The following RANGAP1 variants were observed in gnomAD, a reference collection of about 807,000 sequenced individuals.
RANGAP1 encodes the protein Ran GTPase activating protein 1.
In RANGAP1, 38 loss-of-function variants were observed where a neutral mutation model predicts 63.5. That is an observed-to-expected ratio of 0.60 (90% confidence interval 0.46 to 0.78). RANGAP1 has a LOEUF of 0.78. RANGAP1 is among the 30% of genes least tolerant of loss of function. The pLI, the probability that RANGAP1 is intolerant of heterozygous loss-of-function variation, is 0.00. For missense variants in RANGAP1, 630 were observed against 740.3 expected, an observed-to-expected ratio of 0.85 and a Z score of 1.73; for synonymous variants, 329 against 310.5, an observed-to-expected ratio of 1.06 and a Z score of -0.63.
chr22:41,256,961 C>T (rs572839231), intron 7 of RANGAP1, 137 bp from the exon 8 acceptor site: 14 of 653,268 alleles, frequency 2.1e-5, no homozygotes, highest in African/African-American at 1.5e-4. Context: ...CCAGCTTTGC[C>T]GTCTTCTACT....
At chr22:41,259,774 G>A (rs1037157698) in intron 6 of RANGAP1, among the ~76,000 whole-genome samples, 2 of 152,196 alleles carry the variant, frequency 1.3e-5, no homozygotes, top group African/African-American at 2.4e-5. Context: ...AGGCCAAGGC[G>A]AGTGGATTAC....
At chr22:41,277,837 A>G (rs1217819259) in intron 2 of RANGAP1, among the ~76,000 whole-genome samples, 1 of 152,154 alleles carries the variant, frequency 6.6e-6, no homozygotes, top group East Asian at 1.9e-4. Context: ...GAGCCTTTTC[A>G]CTTGTTTTCA....
intron 1 of RANGAP1, chr22:41,281,689 A>C: frequency 1.1e-6 from 1 of 948,412 alleles, no homozygotes; most frequent in South Asian, 4.9e-5. Context: ...AGATCGCCAC[A>C]TCACAACAGC....
intron 5 of RANGAP1, among the ~76,000 whole-genome samples, chr22:41,262,116 C>T (rs149074155): frequency 1.0e-3 from 154 of 152,308 alleles, no homozygotes; most frequent in African/African-American, 3.4e-3. Context: ...ACGGTCCAGA[C>T]GAACCTGTCT....
intron 4 of RANGAP1, 51 bp downstream of exon 4, chr22:41,268,046 T>A (rs1455523060): frequency 6.9e-7 from 1 of 1,454,452 alleles, no homozygotes; most frequent in African/African-American, 1.4e-5. Flanking sequence ...GCCCTGGGAA[T>A]TGCCAAAGAG....
chr22:41,272,810 G>A (rs945999076), intron 3 of RANGAP1, among the ~76,000 whole-genome samples: 4 of 151,748 alleles, frequency 2.6e-5, no homozygotes, highest in Admixed American at 6.6e-5. Flanking sequence ...CACCAGGCCC[G>A]GCTTTTTTTT....
chr22:41,276,752 C>T (rs930713728), intron 2 of RANGAP1, among the ~76,000 whole-genome samples: 6 of 151,440 alleles, frequency 4.0e-5, no homozygotes, highest in African/African-American at 1.5e-4. Flanking sequence ...CCAAGGCGGG[C>T]GGATCGTGAG....
chr22:41,256,642 C>G, intron 8 of RANGAP1, 69 bp downstream of exon 8: 1 of 1,390,008 alleles, frequency 7.2e-7, no homozygotes, highest in Non-Finnish European at 1.0e-6. Context: ...CAGACCAGAC[C>G]CCTGTGCCCC....
At chr22:41,289,693 C>G (rs2035816038), upstream of RANGAP1, among the ~76,000 whole-genome samples, 1 of 152,190 alleles carries the variant, frequency 6.6e-6, no homozygotes, top group Non-Finnish European at 1.5e-5. Context: ...AGCCCTTTCT[C>G]CAGCTTTCTC....
At chr22:41,279,171 A>T (rs989917850) in intron 2 of RANGAP1, among the ~76,000 whole-genome samples, 2 of 151,132 alleles carry the variant, frequency 1.3e-5, no homozygotes, top group African/African-American at 4.9e-5. Flanking sequence ...AAAAATACAA[A>T]CACAAAAATA....
chr22:41,259,596 G>A (rs2034044265), intron 6 of RANGAP1, among the ~76,000 whole-genome samples: 2 of 152,130 alleles, frequency 1.3e-5, no homozygotes, highest in African/African-American at 4.8e-5. Flanking sequence ...CACTATTACT[G>A]TAATTTTGAT....
At chr22:41,263,725 T>C (rs1417615843) in intron 5 of RANGAP1, among the ~76,000 whole-genome samples, 2 of 152,214 alleles carry the variant, frequency 1.3e-5, no homozygotes, top group African/African-American at 4.8e-5. Flanking sequence ...GATAGCTTAT[T>C]GCCCAAGTGG....
At chr22:41,282,325 A>AT (rs756698232) in intron 1 of RANGAP1, 1,833 of 148,140 alleles carry the variant, frequency 0.012, 19 homozygotes, top group Non-Finnish European at 0.021. Context: ...AAATGAAAGA[A>AT]TTTTTTTTTT....
the RANGAP1 span, among the ~76,000 whole-genome samples, chr22:41,298,099 C>G: frequency 6.6e-6 from 1 of 151,964 alleles, no homozygotes; most frequent in South Asian, 2.1e-4. Flanking sequence ...CTCAGGTGAT[C>G]CACCCGCCTC....
At chr22:41,283,546 TAAC>T (rs918349287) in intron 1 of RANGAP1, among the ~76,000 whole-genome samples, 6 of 151,652 alleles carry the variant, frequency 4.0e-5, no homozygotes, top group African/African-American at 9.7e-5. Context: ...AAAAAGGCAT[TAAC>T]AACAACAACA....
At chr22:41,252,606 C>T (rs1018693105) in intron 12 of RANGAP1, among the ~76,000 whole-genome samples, 4 of 152,160 alleles carry the variant, frequency 2.6e-5, no homozygotes, top group Non-Finnish European at 5.9e-5. Flanking sequence ...ACATGCAAGG[C>T]TCTTAAGGAA....
intron 12 of RANGAP1, among the ~76,000 whole-genome samples, chr22:41,251,729 C>T (rs2033465049): frequency 6.6e-6 from 1 of 151,758 alleles, no homozygotes; most frequent in South Asian, 2.1e-4. Context: ...CATGCAGAAA[C>T]GTTTACCTCA....
chr22:41,299,196 G>A, the RANGAP1 span, among the ~76,000 whole-genome samples: 7 of 151,828 alleles, frequency 4.6e-5, no homozygotes, highest in Non-Finnish European at 8.8e-5. Context: ...GCAGTGGCAC[G>A]ATCTCGGCTC....
chr22:41,258,252 T>C (rs1325478635), intron 6 of RANGAP1, 146 bp from the exon 7 acceptor site: 2 of 855,768 alleles, frequency 2.3e-6, no homozygotes, highest in African/African-American at 3.5e-5. Context: ...GGGGCATGGC[T>C]GCATCTAACT....
Sources: allele counts gnomAD v4.1 joint callset (sites outside exome capture counted in the v4.1 genomes callset), GRCh38; gene constraint gnomAD v4.1.1; transcripts MANE v1.5; gene names NCBI Gene and HGNC (gene_info 2026-07-23, HGNC 2026-07-21).